AFG2A: variants seen among roughly 807,000 people sequenced by gnomAD.
AFG2A encodes AAA ATPase AFG2A.
chr4:123,239,274 G>A, the AFG2A span, among the ~76,000 whole-genome samples: 2 of 152,246 alleles, frequency 1.3e-5, no homozygotes, highest in South Asian at 4.1e-4. Context: ...TATTATCCAG[G>A]AGAACTTCCC....
the AFG2A span, among the ~76,000 whole-genome samples, chr4:123,067,967 A>G: frequency 2.6e-5 from 4 of 152,286 alleles, no homozygotes; most frequent in African/African-American, 9.6e-5. Flanking sequence ...ATACCGTAAT[A>G]TCCCTTTGAT....
At chr4:123,224,798 A>G in the AFG2A span, among the ~76,000 whole-genome samples, 1 of 152,210 alleles carries the variant, frequency 6.6e-6, no homozygotes, top group Non-Finnish European at 1.5e-5. Flanking sequence ...TGACTTCCAC[A>G]ATGGTTGAAC....
the AFG2A span, among the ~76,000 whole-genome samples, chr4:123,179,779 C>T: frequency 6.6e-6 from 1 of 152,166 alleles, no homozygotes; most frequent in Admixed American, 6.5e-5. Flanking sequence ...TTTGACAATA[C>T]TATAAGAATT....
the AFG2A span, among the ~76,000 whole-genome samples, chr4:123,234,186 T>C: frequency 6.6e-6 from 1 of 152,132 alleles, no homozygotes; most frequent in Admixed American, 6.6e-5. Context: ...TTTAACTTGC[T>C]TAGAAATTAG....
the AFG2A span, among the ~76,000 whole-genome samples, chr4:123,227,362 C>T: frequency 2.0e-5 from 3 of 152,022 alleles, no homozygotes; most frequent in African/African-American, 7.3e-5. Flanking sequence ...CTATAAATTT[C>T]CCTCTACACA....
chr4:123,308,762 T>C, the AFG2A span, among the ~76,000 whole-genome samples: 1 of 152,188 alleles, frequency 6.6e-6, no homozygotes, highest in Admixed American at 6.5e-5. Context: ...CTGGGGAAGA[T>C]GAACATAGCA....
chr4:122,947,251 G>T, the AFG2A span: 1 of 1,607,282 alleles, frequency 6.2e-7, no homozygotes, highest in African/African-American at 1.3e-5. Flanking sequence ...TGAAGGACAA[G>T]TGTTGGTTCT....
At chr4:123,314,071 A>G in the AFG2A span, 1 of 1,507,788 alleles carries the variant, frequency 6.6e-7, no homozygotes, top group African/African-American at 1.4e-5. Flanking sequence ...CTGAGAAAAT[A>G]TATATATTCA....
the AFG2A span, among the ~76,000 whole-genome samples, chr4:123,243,561 C>T: frequency 2.6e-3 from 396 of 151,998 alleles, 2 homozygotes; most frequent in Middle Eastern, 0.014. Flanking sequence ...AACACTTGGA[C>T]GCAGGGCAGG....
At chr4:123,061,691 AC>A in the AFG2A span, among the ~76,000 whole-genome samples, 1 of 151,580 alleles carries the variant, frequency 6.6e-6, no homozygotes, top group African/African-American at 2.4e-5. Context: ...CCTGCTTTCC[AC>A]CCCCCTCACA....
the AFG2A span, among the ~76,000 whole-genome samples, chr4:123,207,360 G>A: frequency 4.9e-5 from 7 of 143,658 alleles, no homozygotes; most frequent in East Asian, 1.4e-3. Context: ...GCACAAGGCT[G>A]GAGTGTAGTG....
At chr4:122,944,621 CT>C in the AFG2A span, among the ~76,000 whole-genome samples, 1 of 152,208 alleles carries the variant, frequency 6.6e-6, no homozygotes, top group South Asian at 2.1e-4. Context: ...CGTCTGAAGC[CT>C]TCCTCTCTCA....
the AFG2A span, among the ~76,000 whole-genome samples, chr4:123,146,637 G>A: frequency 6.6e-6 from 1 of 152,154 alleles, no homozygotes; most frequent in Non-Finnish European, 1.5e-5. Context: ...ATTGAGAAAA[G>A]AGCTTCAGTA....
chr4:123,051,966 T>G, the AFG2A span, among the ~76,000 whole-genome samples: 47 of 152,162 alleles, frequency 3.1e-4, no homozygotes, highest in South Asian at 6.2e-4. Flanking sequence ...TTAACCTTCA[T>G]GTACCTGGAT....
At chr4:123,188,268 A>AT in the AFG2A span, among the ~76,000 whole-genome samples, 22 of 152,062 alleles carry the variant, frequency 1.4e-4, no homozygotes, top group Non-Finnish European at 2.8e-4. Flanking sequence ...TATTGTAGTG[A>AT]TTTTTTCCCA....
At chr4:123,306,731 A>G in the AFG2A span, among the ~76,000 whole-genome samples, 1 of 151,948 alleles carries the variant, frequency 6.6e-6, no homozygotes, top group South Asian at 2.1e-4. Flanking sequence ...AATTTTTTGT[A>G]TTTTTAGTAG....
the AFG2A span, chr4:123,316,798 C>T: frequency 6.6e-6 from 1 of 152,292 alleles, no homozygotes; most frequent in East Asian, 1.9e-4. Context: ...GCACATAATG[C>T]TCAAGCTCTA....
the AFG2A span, among the ~76,000 whole-genome samples, chr4:123,073,774 A>G: frequency 6.6e-6 from 1 of 152,212 alleles, no homozygotes; most frequent in Non-Finnish European, 1.5e-5. Context: ...ATTTAGATGT[A>G]TTGTTGACAT....
the AFG2A span, among the ~76,000 whole-genome samples, chr4:122,997,674 G>C: frequency 6.6e-6 from 1 of 152,124 alleles, no homozygotes; most frequent in African/African-American, 2.4e-5. Flanking sequence ...GAATTGCTGA[G>C]TCATATGGTA....
Sources: allele counts gnomAD v4.1 joint callset (sites outside exome capture counted in the v4.1 genomes callset), GRCh38; gene constraint gnomAD v4.1.1; transcripts MANE v1.5; gene names NCBI Gene and HGNC (gene_info 2026-07-23, HGNC 2026-07-21).